STRADB: variants seen among roughly 807,000 people sequenced by gnomAD.
The protein encoded by STRADB is STE20-related kinase adapter protein beta.
STRADB carries 34 observed loss-of-function variants against 52.1 expected under a neutral mutation model. That is an observed-to-expected ratio of 0.65 (90% CI 0.50 to 0.87). The LOEUF (loss-of-function observed/expected upper bound fraction) is 0.87, where lower values mean the gene tolerates loss of function less well. Ranked by LOEUF, STRADB falls within the 40% of genes least tolerant of loss-of-function variation. STRADB has a pLI of 0.00. For missense variants in STRADB, 340 were observed against 483.9 expected (o/e 0.70, Z 2.79); for synonymous variants, 133 against 174.5 (o/e 0.76, Z 1.87).
chr2:201,470,174 G>T, intron 4 of STRADB, 122 bp downstream of exon 4: 1 of 709,778 alleles, frequency 1.4e-6, no homozygotes, highest in Non-Finnish European at 2.5e-6. Flanking sequence ...GATGCTAATT[G>T]TGTCAGTCAA....
At chr2:201,479,383 G>T in intron 10 of STRADB, 106 bp from the exon 11 acceptor site, 2 of 964,356 alleles carry the variant, frequency 2.1e-6, no homozygotes, top group South Asian at 1.6e-5. Flanking sequence ...AATCTTTTTC[G>T]TATTGGGTTT....
At chr2:201,477,310 C>T (rs1309138599) in intron 7 of STRADB, among the ~76,000 whole-genome samples, 3 of 151,880 alleles carry the variant, frequency 2.0e-5, no homozygotes, top group South Asian at 2.1e-4. Flanking sequence ...GTGATCTGCC[C>T]GCCTCAGCCT....
At chr2:201,453,649 T>C (rs1952084622) in intron 1 of STRADB, among the ~76,000 whole-genome samples, 2 of 152,168 alleles carry the variant, frequency 1.3e-5, no homozygotes, top group Non-Finnish European at 2.9e-5. Flanking sequence ...ATAAACCTTA[T>C]AGTTTTGTAC....
At chr2:201,459,594 A>G (rs553571221) in intron 3 of STRADB, among the ~76,000 whole-genome samples, 4 of 152,286 alleles carry the variant, frequency 2.6e-5, no homozygotes, top group Non-Finnish European at 5.9e-5. Context: ...GCTACTGCTC[A>G]GGTCTCATTG....
At chr2:201,478,764 G>T (rs1952522251) in intron 10 of STRADB, among the ~76,000 whole-genome samples, 163 bp downstream of exon 10, 1 of 151,958 alleles carries the variant, frequency 6.6e-6, no homozygotes, top group South Asian at 2.1e-4. Context: ...AAGCAAATGA[G>T]AAGAATACTG....
At chr2:201,456,513 A>T (rs1020943133) in intron 2 of STRADB, among the ~76,000 whole-genome samples, 6 of 152,224 alleles carry the variant, frequency 3.9e-5, no homozygotes, top group African/African-American at 1.4e-4. Context: ...TAATGATTGT[A>T]ACTTTAAATC....
intron 8 of STRADB, 128 bp downstream of exon 8, chr2:201,477,918 T>C: frequency 7.0e-6 from 9 of 1,289,224 alleles, no homozygotes; most frequent in Non-Finnish European, 9.7e-6. Flanking sequence ...CTCTTTCTTG[T>C]CAAAATTATG....
chr2:201,479,890 GAA>G, intron 11 of STRADB, 140 bp from the exon 12 acceptor site: 1 of 996,372 alleles, frequency 1.0e-6, no homozygotes, highest in Non-Finnish European at 1.5e-6. Context: ...CAGATGACCA[GAA>G]TCAAAGGCAG....
intron 5 of STRADB, among the ~76,000 whole-genome samples, chr2:201,473,913 C>T (rs1051264725): frequency 3.3e-4 from 43 of 131,284 alleles, no homozygotes; most frequent in East Asian, 2.0e-3. Flanking sequence ...TTTTTCGAGA[C>T]GGAGTCTTGC....
chr2:201,479,136 T>G (rs940651141), intron 10 of STRADB: 11 of 192,878 alleles, frequency 5.7e-5, no homozygotes, highest in Admixed American at 2.9e-4. Context: ...TTCTAACTGA[T>G]TTTTACAATA....
Position 201,458,881 on chromosome 2 carries a change from G to A in STRADB, c.93+17G>A. On this transcript the variant is annotated intron_variant, in intron 3 of 11. Transcript: ENST00000194530. The stretch of plus-strand genomic sequence containing the variant: ...CAATACTTGGTAAGAAAATGGTTAG[G>A]CTGGATGCAGTGGTTCACACCTGTA... 6.2e-7 allele frequency: 1 copy of A among 1,607,094 alleles called. No homozygotes were observed. The highest frequency in any genetic ancestry group is 8.5e-7 in the Non-Finnish European group (1 of 1,174,930).
intron 10 of STRADB, 51 bp from the exon 11 acceptor site, chr2:201,479,438 C>G: frequency 6.7e-7 from 1 of 1,500,968 alleles, no homozygotes; most frequent in Non-Finnish European, 9.0e-7. Context: ...CACCTGAAAT[C>G]TACATTCTAA....
Position 201,454,802 on chromosome 2 carries a change from T to C in STRADB, c.-39T>C. Reference sequence around the variant, plus strand: ...AAACAAAAGCCTTCTTTGGAATAGATGGATTTTTGTCACTTTCTGTGTGAA... The same window carrying C: ...AAACAAAAGCCTTCTTTGGAATAGACGGATTTTTGTCACTTTCTGTGTGAA... On this transcript the variant is annotated 5_prime_UTR_variant, in exon 2 of 12. It removes an upstream start codon present in the reference 5' UTR. Transcript: ENST00000194530. 2 of 1,594,198 alleles carry C rather than the reference T, an allele frequency of 1.3e-6. No individual in the cohort carries two copies. The highest frequency in any genetic ancestry group is 1.8e-5 in the Admixed American group (1 of 56,810).
At chr2:201,472,645 A>G (rs979398953) in intron 4 of STRADB, among the ~76,000 whole-genome samples, 8 of 152,154 alleles carry the variant, frequency 5.3e-5, no homozygotes, top group African/African-American at 1.7e-4. Context: ...TCAAGTCACA[A>G]TTTTAGTCAT....
At chr2:201,475,482 G>A (rs1952458008) in intron 6 of STRADB, 137 bp from the exon 7 acceptor site, 1 of 924,780 alleles carries the variant, frequency 1.1e-6, no homozygotes, top group Non-Finnish European at 1.7e-6. Flanking sequence ...TCATGTTTGT[G>A]TGGGAAAGTG....
In STRADB at chr2:201,477,119, C is replaced by G. The variant is rs186891545; in HGVS notation, c.549-500C>G. Among the ~76,000 whole-genome samples the G allele has an allele frequency of 1.5e-4, 16 of 107,280 alleles. No homozygotes were observed. The East Asian group carries it at 5.2e-3, about 35-fold the overall frequency. 70.4% of individuals were successfully genotyped at this position (107,280 alleles called of 152,430 possible). On this transcript the variant is annotated intron_variant, in intron 7 of 11. Coordinates refer to ENST00000194530, the MANE Select transcript of STRADB (RefSeq NM_018571.6). ...TCACTCTGTCCCCCAGGCTGGAGTG[C>G]AGTGGTGCAATCTTGGCTCACTGCA...
chr2:201,454,417 G>C (rs564015669), intron 1 of STRADB, among the ~76,000 whole-genome samples: 6 of 152,240 alleles, frequency 3.9e-5, no homozygotes, highest in Middle Eastern at 3.4e-3. Flanking sequence ...TTTCAAATTT[G>C]CTCAGCGTTC....
intron 2 of STRADB, among the ~76,000 whole-genome samples, chr2:201,458,388 AG>A (rs1952159784): frequency 2.0e-5 from 3 of 152,250 alleles, no homozygotes; most frequent in African/African-American, 7.2e-5. Context: ...AAGATAGCTG[AG>A]GATCAAAATA....
chr2:201,475,523 G>C lies in STRADB; in HGVS notation c.425-96G>C, dbSNP rs551278615. On this transcript the variant is annotated intron_variant, in intron 6 of 11. Transcript: ENST00000194530. The stretch of plus-strand genomic sequence containing the variant: ...TGGGTTAGACTCCAAAAAGTAACAG[G>C]TATGTTTGTGTTTATGGTTGAAAAG... The C allele has an allele frequency of 2.8e-6, 4 of 1,438,900 alleles. No individual in the cohort carries two copies. In the East Asian group the frequency reaches 6.9e-5, roughly 25 times the overall value. 89.1% of individuals were successfully genotyped at this position (1,438,900 alleles called of 1,614,324 possible).
Sources: gnomAD v4.1 joint callset for allele counts (sites outside exome capture counted in the v4.1 genomes callset) on GRCh38, gnomAD v4.1.1 for gene constraint, MANE v1.5 for transcripts, NCBI Gene and HGNC (gene_info 2026-07-23, HGNC 2026-07-21) for gene names.